CAMTA1: variants seen among roughly 807,000 people sequenced by gnomAD.
The protein encoded by CAMTA1 is calmodulin-binding transcription activator 1.
Under a neutral mutation model 170.9 loss-of-function variants are expected in CAMTA1, and 27 were observed. The ratio of observed to expected loss-of-function variants is 0.16; its 90% confidence interval spans 0.12 to 0.22. The LOEUF is 0.22. Among genes scored for constraint, CAMTA1 ranks in the 10% least tolerant of loss-of-function variants. CAMTA1 has a pLI of 1.00. For synonymous variants in CAMTA1, 833 were observed against 891.5 expected, an observed-to-expected ratio of 0.93 and a Z score of 1.17; for missense variants, 1,619 against 2,217.2, an observed-to-expected ratio of 0.73 and a Z score of 5.42.
At chr1:7,648,070 G>A (rs1032739076) in intron 7 of CAMTA1, among the ~76,000 whole-genome samples, 2 of 152,154 alleles carry the variant, frequency 1.3e-5, no homozygotes, top group African/African-American at 4.8e-5. Context: ...GGGTGACAGA[G>A]CAAGACCTTG....
chr1:7,649,502 T>G (rs1305007894), intron 7 of CAMTA1, among the ~76,000 whole-genome samples: 1 of 152,216 alleles, frequency 6.6e-6, no homozygotes, highest in East Asian at 1.9e-4. Context: ...CCAGAATGCC[T>G]GCAGCCCCCT....
At chr1:7,548,810 G>T (rs12759046) in intron 6 of CAMTA1, among the ~76,000 whole-genome samples, 1 of 78,830 alleles carries the variant, frequency 1.3e-5, no homozygotes, top group East Asian at 5.7e-4. Context: ...GGTGCTGGTG[G>T]AGGGCACCCC....
At chr1:7,587,596 A>T (rs1176611464) in intron 6 of CAMTA1, among the ~76,000 whole-genome samples, 4 of 152,078 alleles carry the variant, frequency 2.6e-5, no homozygotes, top group Non-Finnish European at 5.9e-5. Flanking sequence ...GCCTAATGTT[A>T]CTTACTCGTC....
At chr1:6,824,011 TAGC>T (rs1266425801) in intron 2 of CAMTA1, among the ~76,000 whole-genome samples, 2 of 152,180 alleles carry the variant, frequency 1.3e-5, no homozygotes, top group Non-Finnish European at 2.9e-5. Flanking sequence ...AATTAGAAAG[TAGC>T]AGAACTGGGC....
intron 22 of CAMTA1, among the ~76,000 whole-genome samples, chr1:7,761,217 G>A (rs1469538254): frequency 6.6e-6 from 1 of 152,166 alleles, no homozygotes; most frequent in Admixed American, 6.5e-5. Flanking sequence ...GGTCAGTCTT[G>A]CTATTCTAAT....
At chr1:6,900,330 G>A (rs943277290) in intron 3 of CAMTA1, among the ~76,000 whole-genome samples, 4 of 152,166 alleles carry the variant, frequency 2.6e-5, no homozygotes, top group South Asian at 2.1e-4. Flanking sequence ...CGTGCAATGA[G>A]ACAGCCTCCT....
chr1:6,786,193 G>C (rs891477913), intron 1 of CAMTA1, among the ~76,000 whole-genome samples: 1 of 151,970 alleles, frequency 6.6e-6, no homozygotes, highest in Non-Finnish European at 1.5e-5. Flanking sequence ...CTCCCCGCCA[G>C]GGGGACCCCG....
intron 5 of CAMTA1, among the ~76,000 whole-genome samples, chr1:7,276,278 C>CATATATATATATAT (rs1210333666): frequency 2.0e-4 from 12 of 58,548 alleles, no homozygotes; most frequent in Admixed American, 7.4e-4. Flanking sequence ...TACACCTGAT[C>CATATATATATATAT]ATATATATAT....
intron 6 of CAMTA1, among the ~76,000 whole-genome samples, chr1:7,577,640 A>T (rs2095213101): frequency 6.6e-6 from 1 of 151,170 alleles, no homozygotes. Flanking sequence ...TGTTCTTCAC[A>T]CTCACACCGT....
intron 5 of CAMTA1, among the ~76,000 whole-genome samples, chr1:7,439,377 G>A (rs1007444495): frequency 1.3e-5 from 2 of 152,092 alleles, no homozygotes; most frequent in African/African-American, 4.8e-5. Context: ...CAGTGAATGA[G>A]CCCCCTGCCC....
At chr1:7,629,026 TGCCCCTGCGAAAG>T (rs1280889866) in intron 6 of CAMTA1, among the ~76,000 whole-genome samples, 4 of 152,212 alleles carry the variant, frequency 2.6e-5, no homozygotes, top group Non-Finnish European at 5.9e-5. Context: ...GAGTTCCCTG[TGCCCCTGCGAAAG>T]GCCCATGGCT....
At chr1:7,643,775 C>T (rs1200433237) in intron 7 of CAMTA1, among the ~76,000 whole-genome samples, 8 of 152,244 alleles carry the variant, frequency 5.3e-5, no homozygotes, top group African/African-American at 7.2e-5. Flanking sequence ...TTGGCTCGGG[C>T]GTGCGTGTGC....
intron 5 of CAMTA1, chr1:7,441,217 A>G (rs1297099023): frequency 6.6e-6 from 1 of 152,138 alleles, no homozygotes; most frequent in African/African-American, 2.4e-5. Context: ...TGTAATATTG[A>G]ATGTTGCTGT....
At chr1:7,492,846 CACAA>C (rs2093740133) in intron 6 of CAMTA1, among the ~76,000 whole-genome samples, 1 of 149,372 alleles carries the variant, frequency 6.7e-6, no homozygotes, top group African/African-American at 2.5e-5. Context: ...CACGCACACG[CACAA>C]ACACAAACCT....
chr1:7,120,405 G>T (rs140772704), intron 4 of CAMTA1, among the ~76,000 whole-genome samples: 6 of 152,186 alleles, frequency 3.9e-5, no homozygotes, highest in Non-Finnish European at 7.3e-5. Context: ...CCTCAGTTCC[G>T]TGCTGGCTGT....
rs1401294966 is a variant in CAMTA1 at position 7,585,137 on chromosome 1, C to T, written c.511-55263C>T. ...AGTAGCCTCACATCAGTTCAGGTCA[C>T]GTTTTGCCACCAAATGAGTTATGAA... On this transcript the variant is annotated intron_variant, in intron 6 of 22. Transcript: ENST00000303635. The surrounding 1 kb of genome is among the most constrained non-coding windows in gnomAD (Gnocchi z 4.8). 1.3e-5 allele frequency among the ~76,000 whole-genome samples: 2 copies of T among 152,116 alleles called. No homozygotes were observed. Among genetic ancestry groups the T allele is most frequent in the African/African-American group, 4.8e-5 (2 of 41,410 alleles).
At chr1:7,751,526 G>A (rs1008531222) in intron 20 of CAMTA1, 134 bp downstream of exon 20, 7 of 656,786 alleles carry the variant, frequency 1.1e-5, no homozygotes, top group African/African-American at 9.3e-5. Flanking sequence ...GTTCCAGAAC[G>A]TTTTAGGCAT....
chr1:7,405,666 C>A (rs2090233254), intron 5 of CAMTA1, among the ~76,000 whole-genome samples: 1 of 152,222 alleles, frequency 6.6e-6, no homozygotes, highest in East Asian at 1.9e-4. Context: ...GTCACCATAC[C>A]CGGCCTGCAA....
In CAMTA1 at chr1:7,293,854, G is replaced by A. The variant is rs899019187; in HGVS notation, c.438+44228G>A. On this transcript the variant is annotated intron_variant, in intron 5 of 22. Coordinates refer to ENST00000303635, the MANE Select transcript of CAMTA1 (RefSeq NM_015215.4). This position sits in a 1 kb window ranked among gnomAD's most constrained non-coding sequence, Gnocchi z 4.1. Reference sequence around the variant, plus strand: ...CTGAAAACTCGGCATGCCCCGGGGGGCCTCTTTGGAGCCTGTTGGAGGAGA... The same window carrying A: ...CTGAAAACTCGGCATGCCCCGGGGGACCTCTTTGGAGCCTGTTGGAGGAGA... Among the ~76,000 whole-genome samples the A allele has an allele frequency of 5.3e-5, 8 of 152,360 alleles. No individual in the cohort carries two copies. Among genetic ancestry groups the A allele is most frequent in the South Asian group, 2.1e-4 (1 of 4,820 alleles).
Sources: gnomAD v4.1 joint callset for allele counts (sites outside exome capture counted in the v4.1 genomes callset) on GRCh38, gnomAD v4.1.1 for gene constraint, Gnocchi (gnomAD v3.1) non-coding constraint, MANE v1.5 for transcripts, NCBI Gene and HGNC (gene_info 2026-07-23, HGNC 2026-07-21) for gene names.